The following ZNF385D variants were observed in gnomAD, a reference collection of about 807,000 sequenced individuals.
ZNF385D encodes the protein zinc finger protein 659.
ZNF385D carries 15 observed loss-of-function variants against 35.8 expected under a neutral mutation model. The observed-to-expected ratio is 0.42, with a 90% CI of 0.28 to 0.64. ZNF385D has a LOEUF of 0.64. Among genes scored for constraint, ZNF385D ranks in the 30% least tolerant of loss-of-function variants. The pLI is 0.23. For missense variants in ZNF385D, 474 were observed against 494.6 expected (o/e 0.96, Z 0.39); for synonymous variants, 212 against 186.8 (o/e 1.13, Z -1.10).
chr3:22,308,234 ATTC>A (rs1703342802), intron 2 of ZNF385D, among the ~76,000 whole-genome samples: 1 of 152,138 alleles, frequency 6.6e-6, no homozygotes, highest in African/African-American at 2.4e-5. Flanking sequence ...GTTGCATTTT[ATTC>A]TTCATTTTAG....
intron 2 of ZNF385D, among the ~76,000 whole-genome samples, chr3:21,652,527 G>A (rs1273714842): frequency 6.6e-6 from 1 of 152,008 alleles, no homozygotes; most frequent in Non-Finnish European, 1.5e-5. Flanking sequence ...ACAATGTGCA[G>A]GTTTGTTACA....
intron 3 of ZNF385D, among the ~76,000 whole-genome samples, chr3:21,758,025 C>G (rs2070425719): frequency 6.6e-6 from 1 of 152,116 alleles, no homozygotes; most frequent in Admixed American, 6.6e-5. Flanking sequence ...TTTTCTGTTC[C>G]CCTTTATTTG....
intron 3 of ZNF385D, among the ~76,000 whole-genome samples, chr3:21,763,239 C>T (rs1205075806): frequency 1.3e-5 from 2 of 152,276 alleles, no homozygotes; most frequent in South Asian, 2.1e-4. Flanking sequence ...GGTCTGTGTA[C>T]TCTGTCTGAG....
intron 3 of ZNF385D, among the ~76,000 whole-genome samples, chr3:22,153,313 C>A (rs1048277903): frequency 6.6e-6 from 1 of 152,130 alleles, no homozygotes; most frequent in Non-Finnish European, 1.5e-5. Context: ...TGAGTGGTCT[C>A]ACCAGTGGCC....
intron 2 of ZNF385D, among the ~76,000 whole-genome samples, chr3:22,327,073 T>TA (rs1264344945): frequency 6.6e-6 from 1 of 152,050 alleles, no homozygotes. Context: ...TTAAGTACCT[T>TA]AAAAAAATGA....
At chr3:21,887,194 A>G (rs1183736506) in intron 3 of ZNF385D, among the ~76,000 whole-genome samples, 1 of 152,176 alleles carries the variant, frequency 6.6e-6, no homozygotes, top group Non-Finnish European at 1.5e-5. Context: ...TTGTGAAGTG[A>G]CTATTTCATG....
intron 2 of ZNF385D, among the ~76,000 whole-genome samples, chr3:22,337,395 G>T (rs759440333): frequency 6.6e-6 from 1 of 152,062 alleles, no homozygotes; most frequent in Non-Finnish European, 1.5e-5. Context: ...TTAGCTTGGC[G>T]TGGTGGCGCA....
At chr3:22,047,158 T>C (rs563970690) in intron 3 of ZNF385D, among the ~76,000 whole-genome samples, 2 of 152,264 alleles carry the variant, frequency 1.3e-5, no homozygotes, top group East Asian at 1.9e-4. Context: ...CACAACATGA[T>C]GTTCTGAAAT....
chr3:22,087,440 G>T (rs1291883639), intron 3 of ZNF385D, among the ~76,000 whole-genome samples: 1 of 152,120 alleles, frequency 6.6e-6, no homozygotes, highest in Admixed American at 6.6e-5. Context: ...TGAAAATGAG[G>T]TATTCAAATT....
intron 3 of ZNF385D, among the ~76,000 whole-genome samples, chr3:21,518,422 G>T (rs563575935): frequency 1.3e-5 from 2 of 151,902 alleles, no homozygotes; most frequent in Non-Finnish European, 2.9e-5. Context: ...AATTATTGTC[G>T]CAGGACAATT....
intron 3 of ZNF385D, among the ~76,000 whole-genome samples, chr3:21,965,606 G>C (rs1412915805): frequency 1.3e-5 from 2 of 152,156 alleles, no homozygotes; most frequent in Admixed American, 6.5e-5. Context: ...TGCAGTATAT[G>C]AGTCTAGATT....
At chr3:21,785,117 T>C (rs941185129) in intron 3 of ZNF385D, among the ~76,000 whole-genome samples, 4 of 152,064 alleles carry the variant, frequency 2.6e-5, no homozygotes, top group African/African-American at 9.7e-5. Context: ...GTTGGACTTG[T>C]GAAAATGGAG....
At position 22,288,109 on chromosome 3, in the gene ZNF385D, T is replaced by TA. The variant is rs201677253; in HGVS notation, c.106+84340dup. On this transcript the variant is annotated intron_variant, in intron 2 of 5. Coordinates refer to the ZNF385D transcript ENST00000494108. ...TTCTTTATGATTGCAATGTTTTTGC[T>TA]AAAAAAAAATCCACTAATAGTTTTA... 1.1e-3 allele frequency among the ~76,000 whole-genome samples: 173 copies of TA among 151,350 alleles called. 1 individual carries two copies. Among genetic ancestry groups the TA allele is most frequent in the Non-Finnish European group, 1.8e-3 (122 of 67,688 alleles).
chr3:21,654,652 T>C (rs1401488624), intron 2 of ZNF385D, among the ~76,000 whole-genome samples: 4 of 152,054 alleles, frequency 2.6e-5, no homozygotes, highest in African/African-American at 7.2e-5. Context: ...CCAATACTTT[T>C]ATAAAATACA....
intron 1 of ZNF385D, among the ~76,000 whole-genome samples, chr3:21,731,617 A>G (rs2068998812): frequency 6.6e-6 from 1 of 152,236 alleles, no homozygotes; most frequent in East Asian, 1.9e-4. Context: ...AGTAACATAC[A>G]GAATAGTTTC....
At chr3:22,279,884 C>G (rs1478296905) in intron 2 of ZNF385D, among the ~76,000 whole-genome samples, 1 of 152,020 alleles carries the variant, frequency 6.6e-6, no homozygotes, top group Non-Finnish European at 1.5e-5. Flanking sequence ...AGTGGCTGTA[C>G]TAGTTTACAT....
At chr3:22,094,385 G>GATATATAT (rs140274686) in intron 3 of ZNF385D, among the ~76,000 whole-genome samples, 56 of 70,830 alleles carry the variant, frequency 7.9e-4, no homozygotes, top group African/African-American at 2.2e-3. Context: ...ATTTATTGTT[G>GATATATAT]ATATATATAT....
rs914401684 is a variant in ZNF385D, at chr3:21,997,880, T to C, written c.325+170937A>G. Among the ~76,000 whole-genome samples, 813 of 144,612 alleles carry C rather than the reference T, an allele frequency of 5.6e-3. 5 individuals are homozygous for C. Among genetic ancestry groups the C allele is most frequent in the African/African-American group, 0.016 (587 of 37,814 alleles). 94.9% of individuals were successfully genotyped at this position (144,612 alleles called of 152,430 possible). ...TGGCGCGCGCGCGCGCGCGTGTGTG[T>C]GTGTGTGTGTGTGTGTGTGTGTGTG... On this transcript the variant is annotated intron_variant, in intron 3 of 5. Transcript: ENST00000494108.
intron 4 of ZNF385D, among the ~76,000 whole-genome samples, chr3:21,466,525 C>CT (rs1230822832): frequency 6.6e-6 from 1 of 152,116 alleles, no homozygotes; most frequent in African/African-American, 2.4e-5. Flanking sequence ...CATACTATTA[C>CT]TAAAGCATAT....
Sources: allele counts gnomAD v4.1 joint callset (sites outside exome capture counted in the v4.1 genomes callset), GRCh38; gene constraint gnomAD v4.1.1; transcripts MANE v1.5; gene names NCBI Gene and HGNC (gene_info 2026-07-23, HGNC 2026-07-21).